FRMPD2: variants seen among roughly 807,000 people sequenced by gnomAD.
The protein encoded by FRMPD2 is FERM and PDZ domain-containing protein 2.
In FRMPD2, 96 loss-of-function variants were observed where a neutral mutation model predicts 140.1. The observed-to-expected ratio is 0.69, with a 90% confidence interval of 0.58 to 0.81. FRMPD2 has a LOEUF of 0.81. Ranked by LOEUF, FRMPD2 falls within the 40% of genes least tolerant of loss-of-function variation. The probability of loss-of-function intolerance (pLI) is 0.00; values close to 1 mark genes in which losing one functional copy is unlikely to be tolerated. For missense variants in FRMPD2, 1,240 were observed against 1,447.4 expected, an observed-to-expected ratio of 0.86 and a Z score of 2.32; for synonymous variants, 449 against 547.6, an observed-to-expected ratio of 0.82 and a Z score of 2.52.
chr10:48,226,372 T>C (rs904953546), intron 10 of FRMPD2, among the ~76,000 whole-genome samples: 1 of 152,328 alleles, frequency 6.6e-6, no homozygotes. Flanking sequence ...TCCTCTTTTT[T>C]CCAAACTGCT....
chr10:48,242,213 G>T lies in FRMPD2; in HGVS notation c.515C>A (p.Ala172Asp). 1.2e-6 allele frequency: 2 copies of T among 1,614,220 alleles called. No homozygotes were observed. The highest frequency in any genetic ancestry group is 2.2e-5 in the South Asian group (2 of 91,080). ...EKEVSVYPAP[A>D]GLHIRRLVGL... ...AACCAGCCTTCTGATGTGGAGACCA[G>T]CAGGGGCTGGGTAGACAGACACTTC... Residue 172 changes from alanine to aspartate, a missense_variant, in exon 5 of 29, where the codon GCT (alanine) becomes GAT (aspartate). Physicochemically the swap from Ala to Asp is moderately radical, Grantham distance 126 (BLOSUM62 -2). Around this residue, in one of 6 missense-constraint regions of FRMPD2, gnomAD observed 1,161 missense variants for 1,055.9 expected, o/e 1.10. Transcript: ENST00000374201.
At chr10:48,178,280 G>C (rs139571075) in intron 21 of FRMPD2, 129 bp from the exon 22 acceptor site, 1 of 648,190 alleles carries the variant, frequency 1.5e-6, no homozygotes, top group Non-Finnish European at 2.8e-6. Context: ...GGGCCAGCAG[G>C]GGATTCATTT....
At chr10:48,222,251 C>T (rs1347725323) in intron 12 of FRMPD2, 62 bp downstream of exon 12, 1 of 1,557,518 alleles carries the variant, frequency 6.4e-7, no homozygotes, top group Non-Finnish European at 8.7e-7. Context: ...CTAACACATG[C>T]CCTCATCCTG....
intron 15 of FRMPD2, among the ~76,000 whole-genome samples, chr10:48,196,935 T>C (rs1838968139): frequency 6.6e-6 from 1 of 152,192 alleles, no homozygotes; most frequent in Admixed American, 6.5e-5. Flanking sequence ...TATTTTACAG[T>C]CACTGAAATC....
At chr10:48,251,501 G>A (rs1012782354) in intron 2 of FRMPD2, 65 bp downstream of exon 2, 13 of 1,595,526 alleles carry the variant, frequency 8.1e-6, no homozygotes, top group Non-Finnish European at 1.1e-5. Context: ...AGCCAGAACT[G>A]TGTTTGTGTG....
chr10:48,274,785 C>T (rs1489638433), upstream of FRMPD2: 1 of 566,934 alleles, frequency 1.8e-6, no homozygotes, highest in African/African-American at 1.9e-5. Context: ...GGGTCCTGCG[C>T]AGTCTCTGGC....
intron 11 of FRMPD2, 42 bp downstream of exon 11, chr10:48,223,081 T>C: frequency 1.3e-6 from 2 of 1,573,884 alleles, no homozygotes; most frequent in East Asian, 2.3e-5. Context: ...TGGACATACA[T>C]AAATCCCTTA....
chr10:48,199,759 G>A (rs1412331068), intron 15 of FRMPD2: 2 of 152,272 alleles, frequency 1.3e-5, no homozygotes, highest in South Asian at 2.1e-4. Context: ...ATGGTGTATC[G>A]TTACACTACT....
chr10:48,223,445 G>C (rs757213824), intron 10 of FRMPD2, among the ~76,000 whole-genome samples, 175 bp from the exon 11 acceptor site: 11 of 152,172 alleles, frequency 7.2e-5, no homozygotes, highest in Non-Finnish European at 7.4e-5. Context: ...GTCATGGGGT[G>C]TCAAGAAGGA....
intron 3 of FRMPD2, 157 bp downstream of exon 3, chr10:48,248,864 C>A: frequency 1.9e-6 from 1 of 537,818 alleles, no homozygotes; most frequent in Non-Finnish European, 3.1e-6. Flanking sequence ...AAGTTGTTGA[C>A]AAGAAATCCT....
chr10:48,261,562 A>G (rs897724845), intron 1 of FRMPD2, among the ~76,000 whole-genome samples: 15 of 152,194 alleles, frequency 9.9e-5, no homozygotes, highest in African/African-American at 3.4e-4. Context: ...CAAAGTTAAC[A>G]TTCAAAGTGA....
chr10:48,235,635 C>T (rs73294242), intron 9 of FRMPD2, among the ~76,000 whole-genome samples: 5,768 of 152,258 alleles, frequency 0.038, 292 homozygotes, highest in African/African-American at 0.12. Context: ...CTCCAAGAGG[C>T]CCTGAGCAGA....
At chr10:48,249,211 C>A in intron 2 of FRMPD2, 33 bp from the exon 3 acceptor site, 3 of 1,603,566 alleles carry the variant, frequency 1.9e-6, no homozygotes, top group Non-Finnish European at 2.6e-6. Flanking sequence ...GCTGTAGAGA[C>A]AGAGCTTCCA....
In FRMPD2 at chr10:48,158,081, T is replaced by C. The variant is rs533376731; in HGVS notation, c.3882-711A>G. ...CCTCCACCTCTTCTAATAAGCTCCT[T>C]GCCCTCTGGTTTTGATTCGGAGCTC... On this transcript the variant is annotated intron_variant, in intron 28 of 28. Transcript: ENST00000374201. 2.0e-3 allele frequency among the ~76,000 whole-genome samples: 301 copies of C among 150,732 alleles called. 6 individuals carry two copies. Among genetic ancestry groups the C allele is most frequent in the African/African-American group, 7.0e-3 (286 of 40,778 alleles).
intron 1 of FRMPD2, among the ~76,000 whole-genome samples, chr10:48,272,320 G>T (rs1448745677): frequency 6.6e-6 from 1 of 152,122 alleles, no homozygotes; most frequent in Non-Finnish European, 1.5e-5. Flanking sequence ...TGGCCTGTGA[G>T]AGCCAATTGT....
At chr10:48,251,796 G>T in intron 1 of FRMPD2, 105 bp from the exon 2 acceptor site, 1 of 1,322,458 alleles carries the variant, frequency 7.6e-7, no homozygotes, top group Non-Finnish European at 1.1e-6. Context: ...GGCCACTACT[G>T]CACACCGGCA....
chr10:48,260,842 A>C (rs1042873401), intron 1 of FRMPD2, among the ~76,000 whole-genome samples: 1 of 152,126 alleles, frequency 6.6e-6, no homozygotes, highest in African/African-American at 2.4e-5. Context: ...GGATTATCAT[A>C]CCAGAAATGT....
chr10:48,253,775 A>G (rs413065), intron 1 of FRMPD2, among the ~76,000 whole-genome samples: 6,790 of 152,274 alleles, frequency 0.045, 497 homozygotes, highest in African/African-American at 0.15. Flanking sequence ...GGGAGCACCC[A>G]TAAAGATAAT....
At chr10:48,274,216 A>C (rs1211473763) in intron 1 of FRMPD2, among the ~76,000 whole-genome samples, 1 of 152,194 alleles carries the variant, frequency 6.6e-6, no homozygotes, top group Non-Finnish European at 1.5e-5. Context: ...AGGTAAGAAA[A>C]ACGAGTCTTA....
Sources: gnomAD v4.1 joint callset for allele counts (sites outside exome capture counted in the v4.1 genomes callset) on GRCh38, gnomAD v4.1.1 for gene constraint, gnomAD v4.1.1 regional missense constraint, MANE v1.5 for transcripts, NCBI Gene and HGNC (gene_info 2026-07-23, HGNC 2026-07-21) for gene names.